MPDZ: variants seen among roughly 807,000 people sequenced by gnomAD.
MPDZ encodes the protein multiple PDZ domain crumbs cell polarity complex component.
MPDZ carries 234 observed loss-of-function variants against 239.1 expected under a neutral mutation model. The ratio of observed to expected loss-of-function variants is 0.98; its 90% CI spans 0.88 to 1.09. MPDZ has a LOEUF of 1.09. Among genes scored for constraint, MPDZ ranks in the 50% least tolerant of loss-of-function variants. The pLI, the probability that MPDZ is intolerant of heterozygous loss-of-function variation, is 0.00. For missense variants in MPDZ, 3,175 were observed against 2,510.0 expected, an observed-to-expected ratio of 1.26 and a Z score of -5.66; for synonymous variants, 1,048 against 881.3, an observed-to-expected ratio of 1.19 and a Z score of -3.35.
In MPDZ at chr9:13,188,834, T is replaced by C. The variant is rs746860656; in HGVS notation, c.2314A>G (p.Lys772Glu). Reference sequence around the variant, plus strand: ...CTCACAGTCCCTGACGGTGCTCCCTTCAGTGCTTCTACAGCTTCCTCAAGA... The same window carrying C: ...CTCACAGTCCCTGACGGTGCTCCCTCCAGTGCTTCTACAGCTTCCTCAAGA... ...SSLEEAVEAL[K>E]GAPSGTVRIG... Residue 772 changes from lysine (K) to glutamate (E), a missense_variant, in exon 17 of 47, where the codon AAG (lysine) becomes GAG (glutamate). Coordinates refer to ENST00000319217, the MANE Select transcript of MPDZ (RefSeq NM_001378778.1). 6.2e-7 allele frequency: 1 copy of C among 1,613,522 alleles called. No homozygotes were observed. Among genetic ancestry groups the C allele is most frequent in the Non-Finnish European group, 8.5e-7 (1 of 1,179,578 alleles).
intron 46 of MPDZ, among the ~76,000 whole-genome samples, chr9:13,107,613 G>A (rs950767455): frequency 3.9e-5 from 6 of 152,128 alleles, no homozygotes; most frequent in African/African-American, 1.2e-4. Flanking sequence ...TAAGGCATAA[G>A]TTCTAAATTT....
intron 1 of MPDZ, among the ~76,000 whole-genome samples, chr9:13,255,822 T>C (rs533779846): frequency 6.6e-6 from 1 of 152,292 alleles, no homozygotes; most frequent in East Asian, 1.9e-4. Context: ...TTAAGGGCCC[T>C]AAAAATTTTT....
At chr9:13,232,719 A>G (rs1451348671) in intron 3 of MPDZ, among the ~76,000 whole-genome samples, 1 of 151,792 alleles carries the variant, frequency 6.6e-6, no homozygotes, top group Non-Finnish European at 1.5e-5. Context: ...TCATTAAAAG[A>G]TACAATTAAA....
intron 3 of MPDZ, among the ~76,000 whole-genome samples, chr9:13,231,944 G>A (rs1025593848): frequency 4.6e-5 from 7 of 152,062 alleles, no homozygotes; most frequent in African/African-American, 1.4e-4. Flanking sequence ...CTTGAAAATC[G>A]TTTAGTCTAA....
chr9:13,128,244 C>T (rs1020564987), intron 32 of MPDZ, among the ~76,000 whole-genome samples: 1 of 152,172 alleles, frequency 6.6e-6, no homozygotes, highest in African/African-American at 2.4e-5. Flanking sequence ...GAGAATACAG[C>T]AGAAGTAATG....
At chr9:13,255,272 A>G (rs1018421791) in intron 1 of MPDZ, among the ~76,000 whole-genome samples, 7 of 152,202 alleles carry the variant, frequency 4.6e-5, no homozygotes, top group African/African-American at 1.7e-4. Context: ...TTTGTAACGC[A>G]TCTTCAGTGA....
intron 22 of MPDZ, among the ~76,000 whole-genome samples, chr9:13,163,929 CTTGGG>C (rs1269373383): frequency 6.6e-6 from 1 of 152,166 alleles, no homozygotes; most frequent in Non-Finnish European, 1.5e-5. Flanking sequence ...TGCGAGGTCA[CTTGGG>C]TTTGGAGTCG....
intron 16 of MPDZ, 77 bp downstream of exon 16, chr9:13,190,037 A>G: frequency 7.6e-7 from 1 of 1,311,840 alleles, no homozygotes; most frequent in South Asian, 1.4e-5. Context: ...TTTGATGGTT[A>G]TAAACTATCA....
At chr9:13,216,952 C>G in intron 9 of MPDZ, 90 bp from the exon 10 acceptor site, 1 of 1,005,430 alleles carries the variant, frequency 9.9e-7, no homozygotes, top group African/African-American at 1.6e-5. Context: ...AGCTCTAATT[C>G]AGAATAAATA....
intron 32 of MPDZ, among the ~76,000 whole-genome samples, chr9:13,131,235 G>C (rs1165541057): frequency 1.3e-5 from 2 of 152,010 alleles, no homozygotes; most frequent in African/African-American, 2.4e-5. Context: ...AGTGTAATAT[G>C]TCACTCAACA....
chr9:13,259,650 G>A (rs1231878656), intron 1 of MPDZ, among the ~76,000 whole-genome samples: 1 of 152,136 alleles, frequency 6.6e-6, no homozygotes, highest in Non-Finnish European at 1.5e-5. Context: ...GAGAAGGTCT[G>A]ATGAAAGAGC....
chr9:13,145,513 A>G (rs1948317220), intron 26 of MPDZ, among the ~76,000 whole-genome samples: 1 of 152,048 alleles, frequency 6.6e-6, no homozygotes, highest in African/African-American at 2.4e-5. Flanking sequence ...TAACACAATT[A>G]CCAGTAAGAG....
chr9:13,148,285 G>A (rs1326096675), intron 25 of MPDZ, among the ~76,000 whole-genome samples: 1 of 152,012 alleles, frequency 6.6e-6, no homozygotes, highest in Non-Finnish European at 1.5e-5. Flanking sequence ...TATTGATCAT[G>A]GTTTGCCTGA....
At chr9:13,160,912 T>C (rs1950407304) in intron 23 of MPDZ, among the ~76,000 whole-genome samples, 1 of 139,470 alleles carries the variant, frequency 7.2e-6, no homozygotes, top group African/African-American at 2.6e-5. Flanking sequence ...TTAGGTATTA[T>C]AAGGAATCTA....
At chr9:13,115,876 C>T (rs1392602584) in intron 39 of MPDZ, among the ~76,000 whole-genome samples, 13 of 139,388 alleles carry the variant, frequency 9.3e-5, no homozygotes, top group Admixed American at 5.4e-4. Context: ...ACCTGGGAGG[C>T]GGAGCTTGCA....
rs375231058 is a variant in MPDZ at position 13,247,694 on chromosome 9, T to G, written c.124A>C (p.Ser42Arg). 6.2e-7 allele frequency: 1 copy of G among 1,613,538 alleles called. No homozygotes were observed. Among genetic ancestry groups the G allele is most frequent in the Non-Finnish European group, 8.5e-7 (1 of 1,179,596 alleles). The change falls in exon 3 of 47, where the codon AGC becomes CGC. Residue 42 changes from serine to arginine, a missense_variant. Coordinates refer to ENST00000319217, the MANE Select transcript of MPDZ (RefSeq NM_001378778.1). ...CTCAGAATCTGACTGAAGAGAGGGC[T>G]CTGCAGGACTGACTTCAGAAGGCTC... Reference protein sequence around the residue: ...KLSLLKSVLQSPLFSQILSLQ... With the variant: ...KLSLLKSVLQRPLFSQILSLQ...
intron 18 of MPDZ, among the ~76,000 whole-genome samples, chr9:13,186,041 T>C (rs1954049326): frequency 6.6e-6 from 1 of 152,194 alleles, no homozygotes; most frequent in Non-Finnish European, 1.5e-5. Context: ...TAATTCTACA[T>C]ACTGCTACAA....
intron 10 of MPDZ, among the ~76,000 whole-genome samples, chr9:13,213,711 T>G (rs1957929896): frequency 6.6e-6 from 1 of 152,052 alleles, no homozygotes; most frequent in Non-Finnish European, 1.5e-5. Flanking sequence ...AGAAAACAAT[T>G]CAGAGAAAAG....
In MPDZ at chr9:13,138,018, A is replaced by G. The variant is rs1475254353; in HGVS notation, c.4139T>C (p.Ile1380Thr). 3 of 1,613,750 alleles carry G rather than the reference A, an allele frequency of 1.9e-6. No individual in the cohort carries two copies. Among genetic ancestry groups the G allele is most frequent in the African/African-American group, 1.3e-5 (1 of 74,916 alleles). ...RSRMSVFIVGIDPNGAAGKDG... is the reference protein window; with the variant it reads ...RSRMSVFIVGTDPNGAAGKDG... ...TTTTCCTGCAGCTCCATTTGGATCA[A>G]TCCCCACTATGAAGACACTCATCCT... Residue 1380 changes from isoleucine (I) to threonine (T), a missense_variant, in exon 29 of 47, where the codon ATT becomes ACT. Ile to Thr is a moderately conservative substitution (Grantham distance 89). Coordinates refer to ENST00000319217, the MANE Select transcript of MPDZ (RefSeq NM_001378778.1).
Sources: allele counts gnomAD v4.1 joint callset (sites outside exome capture counted in the v4.1 genomes callset), GRCh38; gene constraint gnomAD v4.1.1; transcripts MANE v1.5; gene names NCBI Gene and HGNC (gene_info 2026-07-23, HGNC 2026-07-21).